The following BRDT variants were observed in gnomAD, a reference collection of about 807,000 sequenced individuals.
BRDT encodes the protein bromodomain testis associated.
In BRDT, 77 loss-of-function variants were observed where a neutral mutation model predicts 113.9. The ratio of observed to expected loss-of-function variants is 0.68; its 90% CI spans 0.56 to 0.82. BRDT has a LOEUF of 0.82. BRDT is among the 40% of genes least tolerant of loss of function. The pLI is 0.00. For missense variants in BRDT, 1,027 were observed against 1,105.4 expected (o/e 0.93, Z 1.01); for synonymous variants, 358 against 366.5 (o/e 0.98, Z 0.26).
intron 2 of BRDT, among the ~76,000 whole-genome samples, chr1:91,964,221 AG>A (rs1479858589): frequency 1.3e-5 from 2 of 152,086 alleles, no homozygotes; most frequent in African/African-American, 4.8e-5. Flanking sequence ...TCATCACACC[AG>A]GCTTATTTTT....
intron 18 of BRDT, among the ~76,000 whole-genome samples, chr1:92,011,238 C>T (rs1687773007): frequency 6.6e-6 from 1 of 152,142 alleles, no homozygotes; most frequent in Admixed American, 6.6e-5. Flanking sequence ...TACTTTAGAG[C>T]AGTGTGATCT....
At chr1:91,952,821 G>C (rs902801930) in intron 1 of BRDT, among the ~76,000 whole-genome samples, 1 of 150,306 alleles carries the variant, frequency 6.7e-6, no homozygotes, top group African/African-American at 2.4e-5. Flanking sequence ...GCCTTCCAGG[G>C]GTGATGGGGG....
intron 18 of BRDT, among the ~76,000 whole-genome samples, chr1:92,010,929 A>G (rs1687739623): frequency 6.6e-6 from 1 of 150,644 alleles, no homozygotes; most frequent in South Asian, 2.1e-4. Flanking sequence ...ATAATCATAA[A>G]TACCAGGTGT....
chr1:91,987,880 C>T (rs939358179), intron 12 of BRDT, among the ~76,000 whole-genome samples: 1 of 151,932 alleles, frequency 6.6e-6, no homozygotes, highest in African/African-American at 2.4e-5. Context: ...GACAGAGTCT[C>T]GCAGTTTCAC....
chr1:91,986,406 T>C (rs1685245449), intron 12 of BRDT, among the ~76,000 whole-genome samples: 1 of 152,224 alleles, frequency 6.6e-6, no homozygotes, highest in South Asian at 2.1e-4. Flanking sequence ...ACTGTCTAAA[T>C]ATAAGCTCAG....
intron 14 of BRDT, among the ~76,000 whole-genome samples, chr1:91,992,914 T>G: frequency 6.6e-6 from 1 of 152,164 alleles, no homozygotes; most frequent in East Asian, 1.9e-4. Flanking sequence ...AAAAATTATG[T>G]CAAGTTATGA....
intron 4 of BRDT, among the ~76,000 whole-genome samples, chr1:91,974,608 C>T (rs1350546645): frequency 3.3e-5 from 5 of 152,190 alleles, no homozygotes; most frequent in Admixed American, 6.5e-5. Flanking sequence ...GTTAGAATGG[C>T]GATCATTAAA....
chr1:91,988,156 C>CT (rs1358177042), intron 12 of BRDT, among the ~76,000 whole-genome samples: 3 of 151,922 alleles, frequency 2.0e-5, no homozygotes, highest in African/African-American at 4.8e-5. Flanking sequence ...CTATGGTTAA[C>CT]TTTTTTTGTC....
chr1:92,006,347 A>G (rs1475692927), intron 18 of BRDT, among the ~76,000 whole-genome samples: 1 of 152,122 alleles, frequency 6.6e-6, no homozygotes, highest in Non-Finnish European at 1.5e-5. Flanking sequence ...GCGTTGGCAC[A>G]GTAAAATTCT....
At position 91,949,513 on chromosome 1, in the gene BRDT, C is replaced by T. The variant is rs1309061698; in HGVS notation, c.-207C>T. The T allele has an allele frequency of 6.6e-6, 1 of 152,230 alleles. No homozygotes were observed. Among genetic ancestry groups the T allele is most frequent in the Non-Finnish European group, 1.5e-5 (1 of 68,048 alleles). 9.4% of individuals were successfully genotyped at this position (152,230 alleles called of 1,614,324 possible). ...GGTCGGTTTTGTAATATACAGGTAA[C>T]ATACAGGTAATGTACCCTCCACAGG... On this transcript the variant is annotated 5_prime_UTR_variant, in exon 1 of 19. Transcript: ENST00000399546.
At position 91,971,189 on chromosome 1, in the gene BRDT, G is replaced by A. The variant is rs79655559; in HGVS notation, c.445+2929G>A. Among the ~76,000 whole-genome samples, 416 of 152,032 alleles carry A rather than the reference G, an allele frequency of 2.7e-3. 2 individuals are homozygous for A. Among genetic ancestry groups the A allele is most frequent in the African/African-American group, 9.6e-3 (397 of 41,482 alleles). ...AGCACTCCTTCATTACGTCAAGGAC[G>A]GCACCAAGAGATTCATGAGGGATCC... On this transcript the variant is annotated intron_variant, in intron 4 of 18. Transcript: ENST00000399546.
intron 1 of BRDT, among the ~76,000 whole-genome samples, chr1:91,953,152 A>T (rs1380201581): frequency 6.9e-6 from 1 of 145,692 alleles, no homozygotes; most frequent in African/African-American, 2.6e-5. Flanking sequence ...CTCTGGCCCA[A>T]ATTGAAGCCT....
chr1:92,013,878 C>T (rs1688008537), intron 18 of BRDT, among the ~76,000 whole-genome samples: 1 of 152,166 alleles, frequency 6.6e-6, no homozygotes, highest in Non-Finnish European at 1.5e-5. Flanking sequence ...AGTGTGCTCT[C>T]AGCGTTCATG....
In BRDT at chr1:91,979,802, T is replaced by TAATC. The variant is rs751242068; in HGVS notation, c.1287+46_1287+49dup. 4 of 1,523,828 alleles carry TAATC rather than the reference T, an allele frequency of 2.6e-6. No individual in the cohort carries two copies. In the Admixed American group the frequency reaches 9.1e-5, roughly 35 times the overall value. The allele number at this position is 1,523,828 out of a possible 1,614,324, so 94.4% of individuals were successfully genotyped here. ...CAAATTTTGATAATCTATGAGCTGC[T>TAATC]AATCTATCAGGAAATTTTTTCTGCA... On this transcript the variant is annotated intron_variant, in intron 8 of 18. Coordinates refer to ENST00000399546, the MANE Select transcript of BRDT (RefSeq NM_207189.4).
Position 91,980,738 on chromosome 1 carries a change from A to C in BRDT, c.1383A>C (p.Lys461Asn). Residue 461 changes from lysine (K) to asparagine (N), a missense_variant, in exon 9 of 19, where the codon AAA (lysine) becomes AAC (asparagine). Lys to Asn is a moderately conservative substitution (Grantham distance 94). Transcript: ENST00000399546. ...KKEKSKKEKKKEKVNNSNENP... is the reference protein window; with the variant it reads ...KKEKSKKEKKNEKVNNSNENP... ...AGAAGTCTAAAAAGGAAAAGAAAAA[A>C]GAAAAGGTTAATAACAGCAATGAAA... The C allele has an allele frequency of 6.2e-7, 1 of 1,609,096 alleles. No homozygotes were observed. The highest frequency in any genetic ancestry group is 8.5e-7 in the Non-Finnish European group (1 of 1,179,076).
At chr1:91,985,254 G>C (rs1429469619) in intron 12 of BRDT, among the ~76,000 whole-genome samples, 1 of 151,534 alleles carries the variant, frequency 6.6e-6, no homozygotes, top group Non-Finnish European at 1.5e-5. Flanking sequence ...TAGAGACGGG[G>C]TTTCACCGTG....
chr1:91,956,011 A>G (rs983116540), intron 1 of BRDT, among the ~76,000 whole-genome samples: 15 of 152,230 alleles, frequency 9.9e-5, no homozygotes, highest in African/African-American at 3.4e-4. Context: ...GCAATTGTCA[A>G]CATTTTGCCA....
intron 4 of BRDT, among the ~76,000 whole-genome samples, chr1:91,970,894 G>A (rs1182413683): frequency 7.9e-6 from 1 of 126,706 alleles, no homozygotes. Context: ...CAGAGCGACA[G>A]AGCAAGACCC....
At chr1:92,010,226 G>C (rs538817447) in intron 18 of BRDT, among the ~76,000 whole-genome samples, 1 of 149,506 alleles carries the variant, frequency 6.7e-6, no homozygotes, top group African/African-American at 2.5e-5. Context: ...TTATGTATTA[G>C]ACCATTTAAA....
Sources: allele counts gnomAD v4.1 joint callset (sites outside exome capture counted in the v4.1 genomes callset), GRCh38; gene constraint gnomAD v4.1.1; transcripts MANE v1.5; gene names NCBI Gene and HGNC (gene_info 2026-07-23, HGNC 2026-07-21).